MYCBP2: variants seen among roughly 807,000 people sequenced by gnomAD.
The protein encoded by MYCBP2 is E3 ubiquitin-protein ligase MYCBP2.
In MYCBP2, 120 loss-of-function variants were observed where a neutral mutation model predicts 525.3. The ratio of observed to expected loss-of-function variants is 0.23; its 90% CI spans 0.20 to 0.27. The LOEUF is 0.27. Among genes scored for constraint, MYCBP2 ranks in the 10% least tolerant of loss-of-function variants. The pLI, the probability that MYCBP2 is intolerant of heterozygous loss-of-function variation, is 1.00. For synonymous variants in MYCBP2, 1,894 were observed against 1,955.8 expected (o/e 0.97, Z 0.83); for missense variants, 4,149 against 5,657.1 (o/e 0.73, Z 8.55).
chr13:77,130,015 T>A (rs575390069), intron 52 of MYCBP2, among the ~76,000 whole-genome samples: 1 of 152,004 alleles, frequency 6.6e-6, no homozygotes, highest in Admixed American at 6.6e-5. Flanking sequence ...AGAAACGTTA[T>A]CCTAGAAAAA....
At chr13:77,286,921 G>C (rs567860852) in intron 3 of MYCBP2, among the ~76,000 whole-genome samples, 17 of 145,646 alleles carry the variant, frequency 1.2e-4, no homozygotes, top group Non-Finnish European at 2.4e-4. Flanking sequence ...GTCTAGCTCT[G>C]TTGTCCAGGC....
intron 54 of MYCBP2, 98 bp from the exon 55 acceptor site, chr13:77,121,593 G>T (rs1398038099): frequency 1.7e-6 from 2 of 1,207,498 alleles, no homozygotes; most frequent in Non-Finnish European, 2.2e-6. Context: ...ATGATGGTTA[G>T]ATTTTAAAAT....
intron 69 of MYCBP2, among the ~76,000 whole-genome samples, chr13:77,069,136 T>C (rs2040681955): frequency 6.6e-6 from 1 of 152,208 alleles, no homozygotes; most frequent in Non-Finnish European, 1.5e-5. Context: ...CCATATTTTA[T>C]CACTGAAGGC....
At chr13:77,072,383 C>T (rs561564051) in intron 68 of MYCBP2, among the ~76,000 whole-genome samples, 2 of 149,278 alleles carry the variant, frequency 1.3e-5, no homozygotes, top group East Asian at 3.9e-4. Flanking sequence ...AAACAGAATA[C>T]CCCAAATTTG....
At chr13:77,275,257 A>C (rs554506547) in intron 4 of MYCBP2, among the ~76,000 whole-genome samples, 2 of 152,354 alleles carry the variant, frequency 1.3e-5, no homozygotes, top group Non-Finnish European at 2.9e-5. Context: ...GAAATAGAGA[A>C]TGACTTTCCA....
intron 17 of MYCBP2, among the ~76,000 whole-genome samples, chr13:77,241,051 T>C (rs2068745680): frequency 6.6e-6 from 1 of 152,174 alleles, no homozygotes; most frequent in Non-Finnish European, 1.5e-5. Flanking sequence ...AGAACCTCAA[T>C]CTATCTTTGG....
intron 55 of MYCBP2, among the ~76,000 whole-genome samples, chr13:77,107,761 TA>T (rs1288821626): frequency 6.6e-6 from 1 of 151,680 alleles, no homozygotes; most frequent in South Asian, 2.1e-4. Flanking sequence ...TACATAAAAT[TA>T]AAAAAATAAA....
rs777732669 is a variant in MYCBP2 at position 77,139,251 on chromosome 13, G to A, written c.7604C>T (p.Ala2535Val). 3 of 1,613,814 alleles carry A rather than the reference G, an allele frequency of 1.9e-6. No homozygotes were observed. The highest frequency in any genetic ancestry group is 1.1e-5 in the South Asian group (1 of 91,050). ...YVPNMNGYTE[A>V]WCLSFNQHLG... Reference sequence around the variant, plus strand: ...ATGTTGATTAAAAGAGAGGCACCAGGCTTCAGTGTAACCATTCATGTTAGG... The same window carrying A: ...ATGTTGATTAAAAGAGAGGCACCAGACTTCAGTGTAACCATTCATGTTAGG... The change falls in exon 52 of 83, where the codon GCC becomes GTC. Residue 2535 changes from alanine to valine, a missense_variant. Around this residue, in one of 21 missense-constraint regions of MYCBP2, gnomAD observed 692 missense variants for 852.7 expected, o/e 0.81. Coordinates refer to ENST00000544440, the MANE Select transcript of MYCBP2 (RefSeq NM_015057.5).
chr13:77,139,394 C>G, intron 51 of MYCBP2, 58 bp from the exon 52 acceptor site: 1 of 1,562,826 alleles, frequency 6.4e-7, no homozygotes, highest in East Asian at 2.3e-5. Flanking sequence ...ATGAGGCTAG[C>G]AAGGTCTGAA....
At chr13:77,104,178 A>C (rs1216851246) in intron 55 of MYCBP2, among the ~76,000 whole-genome samples, 3 of 152,088 alleles carry the variant, frequency 2.0e-5, no homozygotes, top group Non-Finnish European at 4.4e-5. Flanking sequence ...TTCAGGTAGT[A>C]AGGAGATAGT....
chr13:77,255,768 T>C (rs2072078737), intron 14 of MYCBP2, among the ~76,000 whole-genome samples: 1 of 151,930 alleles, frequency 6.6e-6, no homozygotes, highest in Admixed American at 6.6e-5. Flanking sequence ...CAAAGAATGG[T>C]GGGTTTCTGA....
chr13:77,162,419 A>G (rs1329883378), intron 43 of MYCBP2, among the ~76,000 whole-genome samples: 2 of 152,208 alleles, frequency 1.3e-5, no homozygotes, highest in Non-Finnish European at 2.9e-5. Context: ...AATATAGAAC[A>G]TATTTTATTT....
intron 51 of MYCBP2, among the ~76,000 whole-genome samples, 192 bp downstream of exon 51, chr13:77,139,855 T>C (rs2054331518): frequency 6.6e-6 from 1 of 152,234 alleles, no homozygotes; most frequent in African/African-American, 2.4e-5. Flanking sequence ...AATATAATTT[T>C]AGTCATTTTT....
chr13:77,210,261 C>T (rs575217261), intron 23 of MYCBP2, among the ~76,000 whole-genome samples: 24 of 148,492 alleles, frequency 1.6e-4, no homozygotes, highest in Admixed American at 5.4e-4. Flanking sequence ...GGTGCGATCT[C>T]GGCTCACTGC....
intron 55 of MYCBP2, among the ~76,000 whole-genome samples, chr13:77,112,043 C>T (rs1038795779): frequency 2.0e-5 from 3 of 152,020 alleles, no homozygotes; most frequent in African/African-American, 4.8e-5. Flanking sequence ...ATGAATGGTG[C>T]CTGGCATGTG....
chr13:77,139,725 T>C (rs2054303712), intron 51 of MYCBP2, among the ~76,000 whole-genome samples: 1 of 152,150 alleles, frequency 6.6e-6, no homozygotes, highest in Non-Finnish European at 1.5e-5. Context: ...GTTAAAGCAG[T>C]AAGAAACACA....
chr13:77,151,932 A>C (rs2056518246), intron 46 of MYCBP2, among the ~76,000 whole-genome samples: 1 of 152,232 alleles, frequency 6.6e-6, no homozygotes, highest in Non-Finnish European at 1.5e-5. Context: ...TTCAGCAGGT[A>C]TCACCATTCT....
At chr13:77,273,331 G>A (rs2078176270) in intron 5 of MYCBP2, 141 bp downstream of exon 5, 1 of 572,374 alleles carries the variant, frequency 1.7e-6, no homozygotes, top group East Asian at 3.2e-5. Context: ...TTGAAATACT[G>A]TAGATTATTT....
chr13:77,227,999 T>A (rs533312522), intron 18 of MYCBP2, among the ~76,000 whole-genome samples: 1 of 152,068 alleles, frequency 6.6e-6, no homozygotes, highest in African/African-American at 2.4e-5. Flanking sequence ...AGTAAAAAAA[T>A]TGAGATGAGG....
Sources: allele counts gnomAD v4.1 joint callset (sites outside exome capture counted in the v4.1 genomes callset), GRCh38; gene constraint gnomAD v4.1.1; regional missense constraint gnomAD v4.1.1; transcripts MANE v1.5; gene names NCBI Gene and HGNC (gene_info 2026-07-23, HGNC 2026-07-21).